Variants in MAVS observed in about 807,000 individuals in gnomAD.
MAVS encodes mitochondrial antiviral-signaling protein.
Under a neutral mutation model 30.2 loss-of-function variants are expected in MAVS, and 20 were observed. The observed-to-expected ratio is 0.66, with a 90% CI of 0.47 to 0.96. The LOEUF is 0.96. Ranked by LOEUF, MAVS falls within the 40% of genes least tolerant of loss-of-function variation. The probability of loss-of-function intolerance (pLI) is 0.00; values close to 1 mark genes in which losing one functional copy is unlikely to be tolerated. For synonymous variants in MAVS, 278 were observed against 293.9 expected, an observed-to-expected ratio of 0.95 and a Z score of 0.55; for missense variants, 624 against 701.1, an observed-to-expected ratio of 0.89 and a Z score of 1.24.
Position 3,865,864 on chromosome 20 carries a change from T to C in MAVS, c.1340T>C (p.Leu447Ser). 6.2e-7 allele frequency: 1 copy of C among 1,614,046 alleles called. No homozygotes were observed. The highest frequency in any genetic ancestry group is 8.5e-7 in the Non-Finnish European group (1 of 1,180,024). ...CTTGCCATCAGTGCCAGCACCTCCT[T>C]GGGCATGGGGCCCTGCCATGGCCCA... ...EDLAISASTS[L>S]GMGPCHGPEE... Residue 447 changes from leucine to serine, a missense_variant, in exon 7 of 7, where the codon TTG (leucine) becomes TCG (serine). By Grantham distance (145) the Leu-to-Ser change is moderately radical (BLOSUM62 -2). Transcript: ENST00000428216. This position sits in a 1 kb window ranked among gnomAD's most constrained non-coding sequence, Gnocchi z 4.7.
intron 5 of MAVS, among the ~76,000 whole-genome samples, chr20:3,863,376 A>G (rs1049221962): frequency 1.3e-5 from 2 of 151,948 alleles, no homozygotes; most frequent in African/African-American, 4.8e-5. Context: ...CACAAGACAC[A>G]TGAGCAGTTA....
intron 5 of MAVS, among the ~76,000 whole-genome samples, chr20:3,863,473 G>A (rs2089881786): frequency 6.6e-6 from 1 of 152,182 alleles, no homozygotes; most frequent in South Asian, 2.1e-4. Flanking sequence ...CTGGCCACGG[G>A]ATGCCTTTCA....
intron 3 of MAVS, among the ~76,000 whole-genome samples, chr20:3,859,899 C>T (rs2089850547): frequency 2.0e-5 from 3 of 151,876 alleles, no homozygotes; most frequent in Admixed American, 2.0e-4. Context: ...TCACTGCAAG[C>T]TCCGCCTCCC....
chr20:3,866,145 T>G lies in MAVS; in HGVS notation c.1621T>G (p.Ter541GluextTer1), dbSNP rs1394006095. 1 of 1,579,806 alleles carries G rather than the reference T, an allele frequency of 6.3e-7. No homozygotes were observed. The highest frequency in any genetic ancestry group is 2.3e-5 in the East Asian group (1 of 44,438). The change falls in exon 7 of 7, where the codon TAG becomes GAG. Residue 541 changes from the stop codon to glutamate (E), a stop_lost. Transcript: ENST00000428216. ...GGTGCTGTACCGGCGGCGTCTGCAC[T>G]AGTGAAGCCCTGGGCTCTTCCCACC... ...LVVLYRRRLH[*>E]
rs1380964763 is a variant in MAVS, at chr20:3,875,228, ACAT to A, written c.*9082_*9084del. On this transcript the variant is annotated 3_prime_UTR_variant, in exon 7 of 7. Transcript: ENST00000428216. ...CAGGAGTTCGAGACCAGCCTGGGTA[ACAT>A]AGCTAGACCACATCTCTTAAAATAA... 1 of 152,198 alleles carries A rather than the reference ACAT, an allele frequency of 6.6e-6. No homozygotes were observed. Among genetic ancestry groups the A allele is most frequent in the Non-Finnish European group, 1.5e-5 (1 of 68,056 alleles). 9.4% of individuals were successfully genotyped at this position (152,198 alleles called of 1,614,324 possible). A position where few individuals can be genotyped will look rare whatever the true frequency, so the allele number is the denominator to read the frequency against.
chr20:3,865,922 T>C lies in MAVS; in HGVS notation c.1398T>C (p.Phe466=). 6.2e-7 allele frequency: 1 copy of C among 1,613,868 alleles called. No individual in the cohort carries two copies. The highest frequency in any genetic ancestry group is 8.5e-7 in the Non-Finnish European group (1 of 1,179,914). The change falls in exon 7 of 7, where the codon TTT becomes TTC. Residue 466 remains phenylalanine, a synonymous_variant. Transcript: ENST00000428216. The surrounding 1 kb of genome is among the most constrained non-coding windows in gnomAD (Gnocchi z 4.7). ...ATGAGTATAAGTCCGAGGGCACCTT[T>C]GGGATCCACGTGGCTGAGAACCCCA... ...EENEYKSEGT[F]GIHVAENPSI...
At chr20:3,848,453 C>T (rs2089729275) in intron 1 of MAVS, among the ~76,000 whole-genome samples, 1 of 152,176 alleles carries the variant, frequency 6.6e-6, no homozygotes, top group Admixed American at 6.6e-5. Flanking sequence ...TTCTTGAAGG[C>T]TCAGAGGACC....
chr20:3,859,156 CTTCCTTCCTTTTT>C (rs1193536342), intron 3 of MAVS, among the ~76,000 whole-genome samples: 12 of 149,740 alleles, frequency 8.0e-5, no homozygotes, highest in Non-Finnish European at 1.5e-4. Flanking sequence ...CCCTTCCTCT[CTTCCTTCCTTTTT>C]TTCCTTCCTT....
intron 2 of MAVS, 78 bp from the exon 3 acceptor site, chr20:3,857,557 C>A: frequency 1.3e-6 from 2 of 1,486,024 alleles, no homozygotes; most frequent in Non-Finnish European, 9.0e-7. Context: ...ACCCCTCCCC[C>A]CGCTGTGGCT....
At chr20:3,853,452 C>T (rs940647640) in intron 1 of MAVS, among the ~76,000 whole-genome samples, 2 of 149,932 alleles carry the variant, frequency 1.3e-5, no homozygotes, top group Admixed American at 6.7e-5. Context: ...CGCCACCGCA[C>T]TCCAGCCTGG....
intron 1 of MAVS, among the ~76,000 whole-genome samples, chr20:3,848,516 G>A (rs996965685): frequency 2.6e-5 from 4 of 152,214 alleles, no homozygotes; most frequent in African/African-American, 7.2e-5. Context: ...TGCCCCACGA[G>A]GAATGTAGCA....
chr20:3,859,874 T>A (rs1021371506), intron 3 of MAVS, among the ~76,000 whole-genome samples: 1 of 151,918 alleles, frequency 6.6e-6, no homozygotes, highest in Non-Finnish European at 1.5e-5. Flanking sequence ...TGGAGTGCAG[T>A]GGTGCCATCT....
At position 3,869,178 on chromosome 20, in the gene MAVS, CTT is replaced by C. The variant is rs143841592; in HGVS notation, c.*3042_*3043del. 6 of 143,362 alleles carry C rather than the reference CTT, an allele frequency of 4.2e-5. No individual in the cohort carries two copies. Among genetic ancestry groups the C allele is most frequent in the African/African-American group, 5.1e-5 (2 of 39,308 alleles). 8.9% of individuals were successfully genotyped at this position (143,362 alleles called of 1,614,324 possible). A position where few individuals can be genotyped will look rare whatever the true frequency, so the allele number is the denominator to read the frequency against. On this transcript the variant is annotated 3_prime_UTR_variant, in exon 7 of 7. Transcript: ENST00000428216. Reference sequence around the variant, plus strand: ...TGCCTGGCTAATTAAATTTTTTTTTCTTTTTTTTTTTTGAGATGGAGTCTTGC... The same window carrying C: ...TGCCTGGCTAATTAAATTTTTTTTTCTTTTTTTTTTGAGATGGAGTCTTGC...
intron 1 of MAVS, among the ~76,000 whole-genome samples, chr20:3,851,221 G>A (rs996309171): frequency 1.3e-5 from 2 of 152,002 alleles, no homozygotes; most frequent in Non-Finnish European, 1.5e-5. Flanking sequence ...CCAGCTACTC[G>A]GGAGGCTGAG....
Position 3,865,602 on chromosome 20 carries a change from T to C in MAVS, c.1159-81T>C. On this transcript the variant is annotated intron_variant, in intron 6 of 6. Coordinates refer to ENST00000428216, the MANE Select transcript of MAVS (RefSeq NM_020746.5). The surrounding 1 kb of genome is among the most constrained non-coding windows in gnomAD (Gnocchi z 4.7). ...GGGGTTGGAGTGTTAGTTCATGCCCTGGCCTGGGAATGGGACCGCCCTACC... is the reference window on the plus strand; with the variant it reads ...GGGGTTGGAGTGTTAGTTCATGCCCCGGCCTGGGAATGGGACCGCCCTACC... The C allele has an allele frequency of 7.6e-7, 1 of 1,312,884 alleles. No homozygotes were observed. The highest frequency in any genetic ancestry group is 1.0e-6 in the Non-Finnish European group (1 of 966,138). The allele number at this position is 1,312,884 out of a possible 1,614,324, so 81.3% of individuals were successfully genotyped here. A position where few individuals can be genotyped will look rare whatever the true frequency, so the allele number is the denominator to read the frequency against.
At position 3,866,612 on chromosome 20, in the gene MAVS, G is replaced by A. The variant is rs962135121; in HGVS notation, c.*465G>A. On this transcript the variant is annotated 3_prime_UTR_variant, in exon 7 of 7. Coordinates refer to ENST00000428216, the MANE Select transcript of MAVS (RefSeq NM_020746.5). ...ACAAGACCTGCCTCCCATCCTGGCA[G>A]CCCAGCCTGAGACCGTTGCATTGAG... is the stretch of plus-strand genomic sequence containing the variant. The A allele has an allele frequency of 1.4e-5, 5 of 352,304 alleles. No homozygotes were observed. Among genetic ancestry groups the A allele is most frequent in the East Asian group, 7.5e-5 (1 of 13,422 alleles). 21.8% of individuals were successfully genotyped at this position (352,304 alleles called of 1,614,324 possible).
Position 3,854,630 on chromosome 20 carries a change from G to C in MAVS, c.6G>C (p.Pro2=). M[P]FAEDKTYKYI... is the part of the protein sequence containing the mutation. ...TCTCCAGAATCTGAGCAGCAATGCC[G>C]TTTGCTGAAGACAAGACCTATAAGT... is the stretch of plus-strand genomic sequence containing the variant. Residue 2 remains proline (P), a synonymous_variant, in exon 2 of 7, where the codon CCG becomes CCC. Transcript: ENST00000428216. The C allele has an allele frequency of 6.2e-7, 1 of 1,611,620 alleles. No homozygotes were observed. Among genetic ancestry groups the C allele is most frequent in the African/African-American group, 1.3e-5 (1 of 74,948 alleles).
In MAVS at chr20:3,864,620, A is replaced by G; in HGVS notation, c.990A>G (p.Ser330=). Residue 330 remains serine (S), a synonymous_variant, in exon 6 of 7, where the codon TCA becomes TCG. Coordinates refer to ENST00000428216, the MANE Select transcript of MAVS (RefSeq NM_020746.5). ...TGCCCTCCAAGTTGCCAACTAGCTC[A>G]AAGCCCCCTGGTGCAGTGCCTTCTA... The part of the protein sequence containing the change: ...STVPSKLPTS[S]KPPGAVPSNA... 6.2e-7 allele frequency: 1 copy of G among 1,614,196 alleles called. No homozygotes were observed. Among genetic ancestry groups the G allele is most frequent in the Non-Finnish European group, 8.5e-7 (1 of 1,180,016 alleles).
intron 5 of MAVS, 88 bp downstream of exon 5, chr20:3,862,501 A>G: frequency 7.2e-7 from 1 of 1,390,778 alleles, no homozygotes; most frequent in South Asian, 1.5e-5. Flanking sequence ...TTCCTTGAAC[A>G]GGAGACAAGG....
Sources: gnomAD v4.1 joint callset for allele counts (sites outside exome capture counted in the v4.1 genomes callset) on GRCh38, gnomAD v4.1.1 for gene constraint, Gnocchi (gnomAD v3.1) non-coding constraint, MANE v1.5 for transcripts, NCBI Gene and HGNC (gene_info 2026-07-23, HGNC 2026-07-21) for gene names.